The following DHRS3 variants were observed in gnomAD, a reference collection of about 807,000 sequenced individuals.
DHRS3 encodes short-chain dehydrogenase/reductase 3.
DHRS3 carries 14 observed loss-of-function variants against 27.2 expected under a neutral mutation model. The observed-to-expected ratio is 0.52, with a 90% CI of 0.34 to 0.81. The LOEUF is 0.81. Ranked by LOEUF, DHRS3 falls within the 30% of genes least tolerant of loss-of-function variation. The pLI is 0.01. For missense variants in DHRS3, 322 were observed against 406.2 expected, an observed-to-expected ratio of 0.79 and a Z score of 1.78; for synonymous variants, 165 against 175.9, an observed-to-expected ratio of 0.94 and a Z score of 0.49.
intron 1 of DHRS3, among the ~76,000 whole-genome samples, chr1:12,580,997 A>T (rs74476986): frequency 0.029 from 4,334 of 151,736 alleles, 86 homozygotes; most frequent in South Asian, 0.047. Context: ...TAATTTTTTT[A>T]AAAAAAATTT....
chr1:12,607,754 G>A (rs1646880615), intron 1 of DHRS3, among the ~76,000 whole-genome samples: 1 of 152,116 alleles, frequency 6.6e-6, no homozygotes, highest in South Asian at 2.1e-4. Flanking sequence ...AGTTATTTAG[G>A]GATGGACTAG....
rs1352817748 is a variant in DHRS3 at position 12,586,878 on chromosome 1, A to G, written c.196-6212T>C. ...GGGGTCCTGTGGGGATTAAGCTGGC[A>G]GAAGCTGGCACCCACTAACTAACTG... On this transcript the variant is annotated intron_variant, in intron 1 of 5. Coordinates refer to ENST00000616661, the MANE Select transcript of DHRS3 (RefSeq NM_004753.7). The surrounding 1 kb of genome is among the most constrained non-coding windows in gnomAD (Gnocchi z 5.0). Among the ~76,000 whole-genome samples, 2 of 152,180 alleles carry G rather than the reference A, an allele frequency of 1.3e-5. No homozygotes were observed. The highest frequency in any genetic ancestry group is 4.8e-5 in the African/African-American group (2 of 41,444).
At chr1:12,580,294 G>A (rs1646631829) in intron 2 of DHRS3, 3 of 569,952 alleles carry the variant, frequency 5.3e-6, no homozygotes, top group African/African-American at 1.9e-5. Context: ...AAACCCACAC[G>A]GTCTACATTT....
At position 12,578,586 on chromosome 1, in the gene DHRS3, T is replaced by C; in HGVS notation, c.698+132A>G. 1.1e-6 allele frequency: 1 copy of C among 890,896 alleles called. No individual in the cohort carries two copies. The highest frequency in any genetic ancestry group is 2.3e-4 in the Middle Eastern group (1 of 4,388). 55.2% of individuals were successfully genotyped at this position (890,896 alleles called of 1,614,324 possible). A position where few individuals can be genotyped will look rare whatever the true frequency, so the allele number is the denominator to read the frequency against. ...CACCTGCCTTGGCTTCCCAAAATGC[T>C]AGGATTATAGGTATGAGGCACCGTG... On this transcript the variant is annotated intron_variant, in intron 4 of 5. Coordinates refer to ENST00000616661, the MANE Select transcript of DHRS3 (RefSeq NM_004753.7). The surrounding 1 kb of genome is among the most constrained non-coding windows in gnomAD (Gnocchi z 4.5).
In DHRS3 at chr1:12,591,940, G is replaced by C. The variant is rs914029215; in HGVS notation, c.196-11274C>G. 1.3e-5 allele frequency among the ~76,000 whole-genome samples: 2 copies of C among 152,230 alleles called. No individual in the cohort carries two copies. Among genetic ancestry groups the C allele is most frequent in the Non-Finnish European group, 2.9e-5 (2 of 68,038 alleles). On this transcript the variant is annotated intron_variant, in intron 1 of 5. Transcript: ENST00000616661. The surrounding 1 kb of genome is among the most constrained non-coding windows in gnomAD (Gnocchi z 4.1). ...CTTGATGACCAAGTGGTTATGAAAG[G>C]CATGGCAGAGATGTTCCTTGCCCCT...
At chr1:12,602,195 A>C (rs1557529588) in intron 1 of DHRS3, among the ~76,000 whole-genome samples, 1 of 152,150 alleles carries the variant, frequency 6.6e-6, no homozygotes, top group East Asian at 1.9e-4. Flanking sequence ...TGTGCAGGGG[A>C]AGTTGGATGG....
chr1:12,582,993 C>A, intron 1 of DHRS3, among the ~76,000 whole-genome samples: 1 of 150,532 alleles, frequency 6.6e-6, no homozygotes, highest in Admixed American at 6.6e-5. Context: ...TCTATCCATC[C>A]CTCACCTACC....
chr1:12,571,174 C>CTGTA (rs368847976), intron 5 of DHRS3, among the ~76,000 whole-genome samples: 57 of 152,322 alleles, frequency 3.7e-4, no homozygotes, highest in African/African-American at 1.3e-3. Flanking sequence ...GGATCTCCTG[C>CTGTA]TGTACTAAGA....
At chr1:12,568,557 C>A in intron 5 of DHRS3, 133 bp from the exon 6 acceptor site, 1 of 780,272 alleles carries the variant, frequency 1.3e-6, no homozygotes, top group Non-Finnish European at 2.2e-6. Flanking sequence ...CTCCAAGCCA[C>A]ACACCAGTTT....
chr1:12,606,419 A>C (rs1467541748), intron 1 of DHRS3, among the ~76,000 whole-genome samples: 1 of 152,020 alleles, frequency 6.6e-6, no homozygotes, highest in Non-Finnish European at 1.5e-5. Context: ...GATGGGCACC[A>C]AAACCACTGC....
intron 1 of DHRS3, among the ~76,000 whole-genome samples, chr1:12,612,740 G>A (rs551218564): frequency 6.6e-6 from 1 of 152,160 alleles, no homozygotes; most frequent in African/African-American, 2.4e-5. Context: ...TGTGTGCCCT[G>A]AATCCAATAA....
intron 1 of DHRS3, among the ~76,000 whole-genome samples, chr1:12,599,261 C>T (rs1261519203): frequency 1.3e-5 from 2 of 152,274 alleles, no homozygotes; most frequent in Non-Finnish European, 2.9e-5. Flanking sequence ...GGAAGCGGGA[C>T]ATTCAATGGG....
At chr1:12,580,197 G>A in intron 2 of DHRS3, 1 of 392,038 alleles carries the variant, frequency 2.6e-6, no homozygotes. Context: ...GGAGGTCACT[G>A]ATATATTTAG....
intron 1 of DHRS3, among the ~76,000 whole-genome samples, chr1:12,581,756 G>C (rs1646645973): frequency 6.6e-6 from 1 of 152,170 alleles, no homozygotes; most frequent in African/African-American, 2.4e-5. Context: ...ATGACAGGGG[G>C]ACCAAGAGCC....
chr1:12,610,243 A>G (rs901388498), intron 1 of DHRS3, among the ~76,000 whole-genome samples: 4 of 131,212 alleles, frequency 3.0e-5, no homozygotes, highest in Non-Finnish European at 6.8e-5. Context: ...CATGCCCAGC[A>G]ATTTTTTTTT....
chr1:12,573,327 T>C (rs1296220675), intron 4 of DHRS3, among the ~76,000 whole-genome samples: 2 of 152,190 alleles, frequency 1.3e-5, no homozygotes, highest in African/African-American at 4.8e-5. Context: ...TTCAGGCCAG[T>C]CCATCCAAAG....
chr1:12,581,383 AAG>A (rs1205083915), intron 1 of DHRS3, among the ~76,000 whole-genome samples: 4 of 152,202 alleles, frequency 2.6e-5, no homozygotes, highest in Admixed American at 1.3e-4. Flanking sequence ...CAGGATTATT[AAG>A]ACCAGCTGGT....
chr1:12,576,060 A>T (rs1175463551), intron 4 of DHRS3, among the ~76,000 whole-genome samples: 1 of 152,178 alleles, frequency 6.6e-6, no homozygotes, highest in African/African-American at 2.4e-5. Context: ...TGAAGCAGAG[A>T]AAAGTCAAGT....
At chr1:12,616,945 C>A in intron 1 of DHRS3, 3 of 868,320 alleles carry the variant, frequency 3.5e-6, no homozygotes, top group Non-Finnish European at 5.0e-6. Context: ...CCCAAAGGAG[C>A]GGATCAACTC....
Sources: allele counts gnomAD v4.1 joint callset (sites outside exome capture counted in the v4.1 genomes callset), GRCh38; gene constraint gnomAD v4.1.1; non-coding constraint Gnocchi (gnomAD v3.1); transcripts MANE v1.5; gene names NCBI Gene and HGNC (gene_info 2026-07-23, HGNC 2026-07-21).